Variants in TTC9C observed in about 807,000 individuals in gnomAD.
TTC9C encodes the protein tetratricopeptide repeat domain 9C, also known as tetratricopeptide repeat protein 9C.
TTC9C carries 15 observed loss-of-function variants against 22.5 expected under a neutral mutation model. The ratio of observed to expected loss-of-function variants is 0.67; its 90% confidence interval spans 0.45 to 1.03. The LOEUF (loss-of-function observed/expected upper bound fraction) is 1.03, where lower values mean the gene tolerates loss of function less well. TTC9C is among the 50% of genes least tolerant of loss of function. The pLI is 0.00. For synonymous variants in TTC9C, 92 were observed against 86.8 expected, an observed-to-expected ratio of 1.06 and a Z score of -0.33; for missense variants, 244 against 214.6, an observed-to-expected ratio of 1.14 and a Z score of -0.86.
At chr11:62,735,078 A>G (rs1414191111) in intron 1 of TTC9C, among the ~76,000 whole-genome samples, 1 of 152,098 alleles carries the variant, frequency 6.6e-6, no homozygotes, top group Non-Finnish European at 1.5e-5. Flanking sequence ...TATTTTCAGT[A>G]GAGACGGGGT....
Position 62,738,403 on chromosome 11 carries a change from C to A in TTC9C, c.*21C>A. 6.5e-7 allele frequency: 1 copy of A among 1,527,298 alleles called. No individual in the cohort carries two copies. Among genetic ancestry groups the A allele is most frequent in the Non-Finnish European group, 9.0e-7 (1 of 1,105,588 alleles). The allele number at this position is 1,527,298 out of a possible 1,614,324, so 94.6% of individuals were successfully genotyped here. On this transcript the variant is annotated 3_prime_UTR_variant, in exon 3 of 3. Coordinates refer to ENST00000316461, the MANE Select transcript of TTC9C (RefSeq NM_173810.4). ...GTTAACAAAGAAGAAAGATGCTCCT[C>A]CAGTTGAACTTAGGTGGACCATTAA...
chr11:62,735,295 C>G, intron 1 of TTC9C, 87 bp from the exon 2 acceptor site: 1 of 1,514,298 alleles, frequency 6.6e-7, no homozygotes, highest in South Asian at 1.3e-5. Context: ...TTGTTACCAC[C>G]CTGTTCAGTA....
chr11:62,731,125 G>A (rs1209197539), intron 1 of TTC9C, among the ~76,000 whole-genome samples: 2 of 152,088 alleles, frequency 1.3e-5, no homozygotes, highest in Admixed American at 1.3e-4. Flanking sequence ...CTGACCTCAG[G>A]TGAGCCACCC....
At chr11:62,734,405 G>C (rs1489224553) in intron 1 of TTC9C, among the ~76,000 whole-genome samples, 1 of 151,950 alleles carries the variant, frequency 6.6e-6, no homozygotes, top group Non-Finnish European at 1.5e-5. Flanking sequence ...TTTGAGAACA[G>C]CCTGGCCAAC....
At chr11:62,737,042 A>G (rs760353237) in intron 2 of TTC9C, among the ~76,000 whole-genome samples, 6 of 151,926 alleles carry the variant, frequency 3.9e-5, no homozygotes, top group Admixed American at 2.0e-4. Context: ...TAGTAAAAAT[A>G]CAAGAAATTA....
chr11:62,737,216 A>G (rs989011180), intron 2 of TTC9C, among the ~76,000 whole-genome samples: 5 of 152,114 alleles, frequency 3.3e-5, no homozygotes, highest in Non-Finnish European at 1.5e-5. Flanking sequence ...AAACAAAACA[A>G]AACAAAAAAA....
In TTC9C at chr11:62,728,714, G is replaced by T. The variant is rs80050930; in HGVS notation, c.-135G>T. ...AAACAAGCAAACCGCAGGTCCCTGT[G>T]GGGGGACTCTCCAGGAAGAAGGGTA... On this transcript the variant is annotated 5_prime_UTR_variant, in exon 1 of 3. Coordinates refer to ENST00000316461, the MANE Select transcript of TTC9C (RefSeq NM_173810.4). The T allele has an allele frequency of 5.1e-4, 432 of 846,162 alleles. 2 individuals are homozygous for T. The highest frequency in any genetic ancestry group is 7.4e-4 in the Non-Finnish European group (381 of 511,912). The allele number at this position is 846,162 out of a possible 1,614,324, so 52.4% of individuals were successfully genotyped here.
intron 1 of TTC9C, among the ~76,000 whole-genome samples, chr11:62,734,117 G>A (rs2083883537): frequency 6.6e-6 from 1 of 151,906 alleles, no homozygotes; most frequent in Non-Finnish European, 1.5e-5. Flanking sequence ...TGGCCAACAT[G>A]GCGAAAACCC....
At chr11:62,731,989 CTTTT>C (rs58705402) in intron 1 of TTC9C, among the ~76,000 whole-genome samples, 1 of 63,216 alleles carries the variant, frequency 1.6e-5, no homozygotes, top group Non-Finnish European at 2.9e-5. Context: ...CTGGTCAGCA[CTTTT>C]TTTTTTTTTT....
At chr11:62,735,763 A>C in intron 2 of TTC9C, 199 bp downstream of exon 2, 1 of 942,876 alleles carries the variant, frequency 1.1e-6, no homozygotes, top group Non-Finnish European at 1.5e-6. Context: ...ACAGAAAAGC[A>C]GTATTATTAG....
chr11:62,728,896 C>T lies in TTC9C; in HGVS notation c.48C>T (p.Asn16=), dbSNP rs771795730. 2 of 1,614,134 alleles carry T rather than the reference C, an allele frequency of 1.2e-6. No homozygotes were observed. Residue 16 remains asparagine (N), a synonymous_variant, in exon 1 of 3, where the codon AAC becomes AAT. Coordinates refer to ENST00000316461, the MANE Select transcript of TTC9C (RefSeq NM_173810.4). ...QEAQLYKEEG[N]QRYREGKYRD... ...CTCAGCTGTACAAGGAGGAAGGGAA[C>T]CAGCGCTACCGGGAAGGGAAGTACC...
chr11:62,733,823 C>A (rs1325227054), intron 1 of TTC9C, among the ~76,000 whole-genome samples: 3 of 151,992 alleles, frequency 2.0e-5, no homozygotes, highest in African/African-American at 7.3e-5. Flanking sequence ...GAAACCCCGT[C>A]TGTACTAAAA....
At position 62,728,950 on chromosome 11, in the gene TTC9C, T is replaced by G; in HGVS notation, c.102T>G (p.Ala34=). The G allele has an allele frequency of 6.2e-7, 1 of 1,614,128 alleles. No individual in the cohort carries two copies. The highest frequency in any genetic ancestry group is 2.2e-5 in the East Asian group (1 of 44,884). Residue 34 remains alanine, a synonymous_variant, in exon 1 of 3, where the codon GCT becomes GCG. Transcript: ENST00000316461. ...YRDAVSRYHR[A]LLQLRGLDPS... is the part of the protein sequence containing the mutation. ...ATGCTGTGAGTAGGTACCATCGAGC[T>G]CTGCTTCAGCTGCGGGGTCTGGATC...
chr11:62,729,260 A>G (rs895538781), intron 1 of TTC9C, among the ~76,000 whole-genome samples, 174 bp downstream of exon 1: 1 of 152,050 alleles, frequency 6.6e-6, no homozygotes, highest in Non-Finnish European at 1.5e-5. Flanking sequence ...GCCATAGAGC[A>G]GGGCTTCTCA....
intron 2 of TTC9C, among the ~76,000 whole-genome samples, chr11:62,736,409 G>T (rs2083912979): frequency 6.6e-6 from 1 of 151,696 alleles, no homozygotes. Context: ...AATCAGCCGG[G>T]TGTGGCCGGG....
chr11:62,736,461 G>C (rs900474649), intron 2 of TTC9C, among the ~76,000 whole-genome samples: 1 of 151,674 alleles, frequency 6.6e-6, no homozygotes, highest in African/African-American at 2.4e-5. Context: ...TTGGGAGGCC[G>C]AGGTGGGCGG....
intron 1 of TTC9C, among the ~76,000 whole-genome samples, chr11:62,731,173 G>A (rs755371710): frequency 6.6e-6 from 1 of 152,218 alleles, no homozygotes; most frequent in Non-Finnish European, 1.5e-5. Context: ...ATGGGTGTGA[G>A]CCACCATGCC....
intron 1 of TTC9C, among the ~76,000 whole-genome samples, chr11:62,735,066 T>C (rs2083894876): frequency 6.6e-6 from 1 of 152,148 alleles, no homozygotes; most frequent in African/African-American, 2.4e-5. Context: ...CTGGCTAATT[T>C]TTATTTTCAG....
In TTC9C at chr11:62,735,481, G is replaced by T. The variant is rs758293320; in HGVS notation, c.338G>T (p.Arg113Leu). 1 of 1,613,948 alleles carries T rather than the reference G, an allele frequency of 6.2e-7. No homozygotes were observed. Among genetic ancestry groups the T allele is most frequent in the Non-Finnish European group, 8.5e-7 (1 of 1,179,998 alleles). ...CCTGATAATGCCAAGGCCTTGTATCGGGCCGGAGTGGCCTTTTTCCATCTG... is the reference window on the plus strand; with the variant it reads ...CCTGATAATGCCAAGGCCTTGTATCTGGCCGGAGTGGCCTTTTTCCATCTG... The part of the protein sequence containing the change: ...RQPDNAKALY[R>L]AGVAFFHLQD... The change falls in exon 2 of 3, where the codon CGG (arginine) becomes CTG (leucine). Residue 113 changes from arginine (R) to leucine (L), a missense_variant. Transcript: ENST00000316461.
Sources: gnomAD v4.1 joint callset for allele counts (sites outside exome capture counted in the v4.1 genomes callset) on GRCh38, gnomAD v4.1.1 for gene constraint, MANE v1.5 for transcripts, NCBI Gene and HGNC (gene_info 2026-07-23, HGNC 2026-07-21) for gene names.